GNB4: variants seen among roughly 807,000 people sequenced by gnomAD.
GNB4 encodes G protein subunit beta 4.
Under a neutral mutation model 45.2 loss-of-function variants are expected in GNB4, and 28 were observed. That is an observed-to-expected ratio of 0.62 (90% CI 0.46 to 0.85). The LOEUF is 0.85. Among genes scored for constraint, GNB4 ranks in the 40% least tolerant of loss-of-function variants. GNB4 has a pLI of 0.00. For missense variants in GNB4, 321 were observed against 425.4 expected, an observed-to-expected ratio of 0.75 and a Z score of 2.16; for synonymous variants, 132 against 143.7, an observed-to-expected ratio of 0.92 and a Z score of 0.58.
chr3:179,485,005 G>GTTTTTTTT, the GNB4 span, among the ~76,000 whole-genome samples: 1 of 51,148 alleles, frequency 2.0e-5, no homozygotes, highest in Non-Finnish European at 4.1e-5. Flanking sequence ...TTTTCGTTTT[G>GTTTTTTTT]TTTTTTTTTT....
the GNB4 span, among the ~76,000 whole-genome samples, chr3:179,515,368 T>C: frequency 6.6e-6 from 1 of 152,220 alleles, no homozygotes; most frequent in Non-Finnish European, 1.5e-5. Context: ...GGCTGTTTAT[T>C]TCACCTGGGT....
At chr3:179,426,614 C>T (rs890530179) in intron 1 of GNB4, among the ~76,000 whole-genome samples, 2 of 152,040 alleles carry the variant, frequency 1.3e-5, no homozygotes, top group Non-Finnish European at 2.9e-5. Context: ...TGAACCCCAC[C>T]CCACCCCCAA....
rs1714152509 is a variant in GNB4, at chr3:179,397,484, T to C, written c.*3729A>G. ...ATCCATTATTTCCAGGAGACTAGTT[T>C]ACTACTATCATGCAATCGCTGAGGT... On this transcript the variant is annotated 3_prime_UTR_variant, in exon 10 of 10. Transcript: ENST00000232564. 6.6e-6 allele frequency: 1 copy of C among 152,338 alleles called. No homozygotes were observed. The highest frequency in any genetic ancestry group is 1.5e-5 in the Non-Finnish European group (1 of 68,040). The allele number at this position is 152,338 out of a possible 1,614,324, so 9.4% of individuals were successfully genotyped here.
chr3:179,406,806 G>A (rs1162587963), intron 8 of GNB4, among the ~76,000 whole-genome samples: 1 of 151,810 alleles, frequency 6.6e-6, no homozygotes, highest in Non-Finnish European at 1.5e-5. Flanking sequence ...GTAGAGACGG[G>A]GTTTCATTAT....
chr3:179,447,437 C>G (rs1308653182), intron 1 of GNB4, among the ~76,000 whole-genome samples: 1 of 151,958 alleles, frequency 6.6e-6, no homozygotes, highest in African/African-American at 2.4e-5. Context: ...CAACTTTGAC[C>G]TCCTGGACTC....
the GNB4 span, among the ~76,000 whole-genome samples, chr3:179,521,052 G>C: frequency 6.6e-6 from 1 of 152,236 alleles, no homozygotes; most frequent in South Asian, 2.1e-4. Context: ...CATCAAACTC[G>C]GGGATTTGCC....
upstream of GNB4, among the ~76,000 whole-genome samples, chr3:179,456,107 CTT>C (rs10603569): frequency 0.23 from 27,647 of 121,778 alleles, 3,110 homozygotes; most frequent in Middle Eastern, 0.41. Flanking sequence ...GGGACATAGA[CTT>C]TTTTTTTTTT....
chr3:179,509,129 G>A, the GNB4 span, among the ~76,000 whole-genome samples: 1 of 149,060 alleles, frequency 6.7e-6, no homozygotes, highest in Non-Finnish European at 1.5e-5. Flanking sequence ...AAGTTTCCTT[G>A]GAGAAATGGA....
the GNB4 span, among the ~76,000 whole-genome samples, chr3:179,481,714 A>C: frequency 1.3e-5 from 2 of 152,136 alleles, no homozygotes; most frequent in African/African-American, 4.8e-5. Flanking sequence ...TTAATTAATA[A>C]ATTGATGCAC....
the GNB4 span, among the ~76,000 whole-genome samples, chr3:179,507,393 A>T: frequency 7.1e-6 from 1 of 141,186 alleles, no homozygotes; most frequent in Admixed American, 7.1e-5. Context: ...GGAAGGTAGG[A>T]AGGAAGGAAG....
intron 8 of GNB4, among the ~76,000 whole-genome samples, chr3:179,410,115 GT>G (rs1227477138): frequency 2.6e-5 from 4 of 152,142 alleles, no homozygotes; most frequent in African/African-American, 9.7e-5. Context: ...ATGATTGTAA[GT>G]TTCCTGAGGC....
chr3:179,469,191 C>A, the GNB4 span, among the ~76,000 whole-genome samples: 2 of 152,134 alleles, frequency 1.3e-5, no homozygotes, highest in Non-Finnish European at 2.9e-5. Flanking sequence ...TGCATGAAAC[C>A]AAGCTGTAGC....
At chr3:179,437,305 C>T (rs1715478296) in intron 1 of GNB4, among the ~76,000 whole-genome samples, 1 of 152,122 alleles carries the variant, frequency 6.6e-6, no homozygotes, top group South Asian at 2.1e-4. Context: ...GACTAAGAAC[C>T]TATAACCCCA....
upstream of GNB4, among the ~76,000 whole-genome samples, chr3:179,454,679 T>A (rs1715951697): frequency 6.6e-6 from 1 of 152,214 alleles, no homozygotes; most frequent in Non-Finnish European, 1.5e-5. Context: ...TCTCAGACGA[T>A]GCCAAGCACA....
intron 6 of GNB4, among the ~76,000 whole-genome samples, chr3:179,414,496 A>AC (rs1390943579): frequency 6.6e-6 from 1 of 152,228 alleles, no homozygotes; most frequent in Non-Finnish European, 1.5e-5. Flanking sequence ...ACAAAGCAAT[A>AC]CACTATCATG....
the GNB4 span, among the ~76,000 whole-genome samples, chr3:179,476,475 A>AGTGAGG: frequency 6.6e-6 from 1 of 152,248 alleles, no homozygotes; most frequent in Admixed American, 6.5e-5. Context: ...TGGTAGCTCT[A>AGTGAGG]CAGTTCTGGG....
At chr3:179,425,649 T>C (rs1173357326) in intron 2 of GNB4, among the ~76,000 whole-genome samples, 1 of 152,086 alleles carries the variant, frequency 6.6e-6, no homozygotes, top group Non-Finnish European at 1.5e-5. Flanking sequence ...TTTTCTATTT[T>C]TAGTAGAGAC....
the GNB4 span, among the ~76,000 whole-genome samples, chr3:179,477,692 C>T: frequency 2.6e-5 from 4 of 152,156 alleles, no homozygotes; most frequent in South Asian, 2.1e-4. Flanking sequence ...GTCAATAAAG[C>T]GAGACCCTAT....
chr3:179,420,808 C>T (rs891048593), intron 3 of GNB4, 81 bp downstream of exon 3: 1 of 869,298 alleles, frequency 1.2e-6, no homozygotes, highest in South Asian at 1.4e-5. Flanking sequence ...AGCACTAATA[C>T]AAGAATCTGA....
Sources: gnomAD v4.1 joint callset for allele counts (sites outside exome capture counted in the v4.1 genomes callset) on GRCh38, gnomAD v4.1.1 for gene constraint, MANE v1.5 for transcripts, NCBI Gene and HGNC (gene_info 2026-07-23, HGNC 2026-07-21) for gene names.